The following POLR3A variants were observed in gnomAD, a reference collection of about 807,000 sequenced individuals.
POLR3A encodes the protein RNA polymerase III subunit A.
POLR3A carries 112 observed loss-of-function variants against 152.8 expected under a neutral mutation model. The observed-to-expected ratio is 0.73, with a 90% CI of 0.63 to 0.86. The LOEUF is 0.86. POLR3A is among the 40% of genes least tolerant of loss of function. The pLI, the probability that POLR3A is intolerant of heterozygous loss-of-function variation, is 0.00. For missense variants in POLR3A, 1,385 were observed against 1,743.1 expected, an observed-to-expected ratio of 0.79 and a Z score of 3.66; for synonymous variants, 615 against 652.1, an observed-to-expected ratio of 0.94 and a Z score of 0.87.
At chr10:77,985,802 T>A (rs1184427434) in intron 23 of POLR3A, 101 bp downstream of exon 23, 1 of 880,248 alleles carries the variant, frequency 1.1e-6, no homozygotes, top group East Asian at 2.4e-5. Flanking sequence ...TACTGGCAGT[T>A]AACAAGTGAG....
chr10:77,996,699 C>T (rs1847304460), intron 19 of POLR3A, among the ~76,000 whole-genome samples: 1 of 152,030 alleles, frequency 6.6e-6, no homozygotes, highest in Non-Finnish European at 1.5e-5. Context: ...AAGTCCAGGA[C>T]CAGATGGATT....
rs368716943 is a variant in POLR3A at position 78,024,980 on chromosome 10, C to T, written c.481G>A (p.Ala161Thr). Reference protein sequence around the residue: ...RKKNICHHCGAFNGTVKKCGL... With the variant: ...RKKNICHHCGTFNGTVKKCGL... Reference sequence around the variant, plus strand: ...TGTGCATTCCACTCACCATTAAAAGCGCCACAGTGATGGCAGATGTTTTTC... The same window carrying T: ...TGTGCATTCCACTCACCATTAAAAGTGCCACAGTGATGGCAGATGTTTTTC... Residue 161 changes from alanine (A) to threonine (T), a missense_variant, in exon 4 of 31, where the codon GCT (alanine) becomes ACT (threonine). Coordinates refer to ENST00000372371, the MANE Select transcript of POLR3A (RefSeq NM_007055.4). 1.6e-4 allele frequency: 266 copies of T among 1,614,016 alleles called. No homozygotes were observed. Among genetic ancestry groups the T allele is most frequent in the Admixed American group, 4.5e-4 (27 of 59,998 alleles).
At chr10:78,000,168 C>T (rs1219458657) in intron 18 of POLR3A, 50 bp from the exon 19 acceptor site, 1 of 1,575,434 alleles carries the variant, frequency 6.3e-7, no homozygotes, top group Admixed American at 1.7e-5. Flanking sequence ...GTTCAAGGCC[C>T]ACGATTCTGA....
chr10:78,008,675 G>A (rs550273107), intron 14 of POLR3A, among the ~76,000 whole-genome samples: 11 of 152,222 alleles, frequency 7.2e-5, no homozygotes, highest in African/African-American at 2.6e-4. Context: ...ACTGCACTTC[G>A]GGTTGAACTG....
intron 29 of POLR3A, 131 bp from the exon 30 acceptor site, chr10:77,980,404 A>T: frequency 1.2e-6 from 1 of 822,346 alleles, no homozygotes; most frequent in Non-Finnish European, 2.0e-6. Flanking sequence ...AAAGGCCCTG[A>T]GGAGCTATGG....
rs184636252 is a variant in POLR3A at position 78,000,857 on chromosome 10, A to C, written c.2478+119T>G. 464 of 684,392 alleles carry C rather than the reference A, an allele frequency of 6.8e-4. 11 individuals carry two copies. The Admixed American group carries it at 8.3e-3, about 12-fold the overall frequency. 42.4% of individuals were successfully genotyped at this position (684,392 alleles called of 1,614,324 possible). On this transcript the variant is annotated intron_variant, in intron 18 of 30. Transcript: ENST00000372371. The stretch of plus-strand genomic sequence containing the variant: ...ATCTTAATAAAATGGCAAAAAATAC[A>C]TATATAAAACTCCACATGAAATTGG...
intron 14 of POLR3A, 119 bp from the exon 15 acceptor site, chr10:78,007,985 G>A: frequency 4.4e-6 from 1 of 228,270 alleles, no homozygotes. Flanking sequence ...AGAACAAACA[G>A]AAATTCTCCT....
At chr10:77,991,319 C>T in intron 20 of POLR3A, 152 bp from the exon 21 acceptor site, 3 of 676,290 alleles carry the variant, frequency 4.4e-6, no homozygotes, top group South Asian at 3.2e-5. Flanking sequence ...GTGGACTCTA[C>T]CTTTCATGTG....
chr10:77,998,628 G>A (rs376358751), intron 19 of POLR3A, among the ~76,000 whole-genome samples: 1 of 152,150 alleles, frequency 6.6e-6, no homozygotes. Flanking sequence ...TTAGAATGGC[G>A]ATCATTAAAA....
At chr10:78,015,063 C>T (rs1163723157) in intron 10 of POLR3A, among the ~76,000 whole-genome samples, 1 of 152,176 alleles carries the variant, frequency 6.6e-6, no homozygotes, top group African/African-American at 2.4e-5. Context: ...ATGGGGAAAT[C>T]TGAATATGAA....
At chr10:77,995,668 T>C (rs1847293031) in intron 19 of POLR3A, among the ~76,000 whole-genome samples, 1 of 152,116 alleles carries the variant, frequency 6.6e-6, no homozygotes, top group African/African-American at 2.4e-5. Flanking sequence ...AAGCAAGTCC[T>C]GAGTGACCTA....
chr10:77,985,214 G>A lies in POLR3A; in HGVS notation c.3198C>T (p.Gly1066=), dbSNP rs772582728. The A allele has an allele frequency of 2.4e-5, 38 of 1,614,084 alleles. No homozygotes were observed. In the African/African-American group the frequency reaches 3.3e-4, roughly 14 times the overall value. ...AGVASMNITL[G]VPRIKEIINA... Reference sequence around the variant, plus strand: ...TGATGATCTCTTTAATCCGGGGCACGCCCAGGGTGATGTTCATGGAGGCCA... The same window carrying A: ...TGATGATCTCTTTAATCCGGGGCACACCCAGGGTGATGTTCATGGAGGCCA... The change falls in exon 24 of 31, where the codon GGC becomes GGT. Residue 1066 remains glycine, a synonymous_variant. Transcript: ENST00000372371.
chr10:78,007,073 A>G (rs1243082164), intron 15 of POLR3A, among the ~76,000 whole-genome samples: 12 of 152,178 alleles, frequency 7.9e-5, no homozygotes, highest in African/African-American at 2.7e-4. Flanking sequence ...CCTATCTTCA[A>G]AAAACAAAAA....
chr10:78,011,788 T>A, intron 11 of POLR3A, among the ~76,000 whole-genome samples: 1 of 152,212 alleles, frequency 6.6e-6, no homozygotes, highest in Non-Finnish European at 1.5e-5. Flanking sequence ...AGAACAGCAT[T>A]GCTAAATCAG....
intron 19 of POLR3A, among the ~76,000 whole-genome samples, chr10:77,995,906 TG>T (rs1318278861): frequency 6.6e-6 from 1 of 152,218 alleles, no homozygotes; most frequent in Non-Finnish European, 1.5e-5. Context: ...ACCACACAGT[TG>T]GAAGTAAAGC....
Position 78,025,759 on chromosome 10 carries a change from C to A in POLR3A, c.181G>T (p.Gly61Cys). ...LLYGVLDHRM[G>C]TSEKDRPCET... Reference sequence around the variant, plus strand: ...CATGGACGATCCTTCTCACTCGTACCCTTTGAAAAAAAGCACACCCAATGA... The same window carrying A: ...CATGGACGATCCTTCTCACTCGTACACTTTGAAAAAAAGCACACCCAATGA... Residue 61 changes from glycine (G) to cysteine (C), a missense_variant and splice_region_variant, in exon 3 of 31, where the codon GGT becomes TGT. Physicochemically the swap from Gly to Cys is radical, Grantham distance 159. Around this residue, in one of 7 missense-constraint regions of POLR3A, gnomAD observed 493 missense variants for 647.5 expected, o/e 0.76. Coordinates refer to ENST00000372371, the MANE Select transcript of POLR3A (RefSeq NM_007055.4). The A allele has an allele frequency of 6.2e-7, 1 of 1,613,910 alleles. No homozygotes were observed. Among genetic ancestry groups the A allele is most frequent in the Non-Finnish European group, 8.5e-7 (1 of 1,179,924 alleles).
intron 19 of POLR3A, among the ~76,000 whole-genome samples, chr10:77,994,330 C>G (rs1023241658): frequency 6.6e-6 from 1 of 152,136 alleles, no homozygotes; most frequent in East Asian, 1.9e-4. Flanking sequence ...AGTGTTTGTT[C>G]TGGCCCACTC....
intron 17 of POLR3A, among the ~76,000 whole-genome samples, chr10:78,001,629 T>C (rs1422134519): frequency 6.6e-6 from 1 of 152,194 alleles, no homozygotes; most frequent in Non-Finnish European, 1.5e-5. Context: ...ACCAAATGCT[T>C]TGAGGGCCTC....
Position 78,029,470 on chromosome 10 carries a change from C to T in POLR3A, c.-63G>A. ...GGCCAGATTAGAGAAACGATGCCCC[C>T]AGCACCTCCTGGGGCTGCTTCTGGA... On this transcript the variant is annotated 5_prime_UTR_variant, in exon 1 of 31. Transcript: ENST00000372371. 4.5e-6 allele frequency: 7 copies of T among 1,549,594 alleles called. No individual in the cohort carries two copies. The highest frequency in any genetic ancestry group is 6.2e-6 in the Non-Finnish European group (7 of 1,122,788).
Sources: allele counts gnomAD v4.1 joint callset (sites outside exome capture counted in the v4.1 genomes callset), GRCh38; gene constraint gnomAD v4.1.1; regional missense constraint gnomAD v4.1.1; transcripts MANE v1.5; gene names NCBI Gene and HGNC (gene_info 2026-07-23, HGNC 2026-07-21).